Variants in IMMP2L observed in about 807,000 individuals in gnomAD.
IMMP2L encodes mitochondrial inner membrane protease subunit 2.
In IMMP2L, 18 loss-of-function variants were observed where a neutral mutation model predicts 19.3. That is an observed-to-expected ratio of 0.93 (90% CI 0.64 to 1.38). The LOEUF (loss-of-function observed/expected upper bound fraction) is 1.38, where lower values mean the gene tolerates loss of function less well. Among genes scored for constraint, IMMP2L ranks in the 40% most tolerant of loss-of-function variants. IMMP2L has a pLI of 0.00. For missense variants in IMMP2L, 233 were observed against 218.2 expected, an observed-to-expected ratio of 1.07 and a Z score of -0.43; for synonymous variants, 76 against 73.0, an observed-to-expected ratio of 1.04 and a Z score of -0.21.
rs1315610995 is a variant in IMMP2L at position 111,379,834 on chromosome 7, C to T, written c.239+107404G>A. On this transcript the variant is annotated intron_variant, in intron 3 of 5. Coordinates refer to ENST00000405709, the MANE Select transcript of IMMP2L (RefSeq NM_032549.4). ...TCAGTTCGAGTCTGCAATTTTTAGA[C>T]GAAATAACATTCATGAACAACTTTA... is the stretch of plus-strand genomic sequence containing the variant. Among the ~76,000 whole-genome samples the T allele has an allele frequency of 3.3e-5, 5 of 151,818 alleles. No individual in the cohort carries two copies. In the South Asian group the frequency reaches 6.2e-4, roughly 19 times the overall value.
chr7:111,391,335 T>C (rs1832334052), intron 3 of IMMP2L, among the ~76,000 whole-genome samples: 1 of 152,160 alleles, frequency 6.6e-6, no homozygotes, highest in South Asian at 2.1e-4. Context: ...ACCCCTGAGC[T>C]TCACACTCAC....
intron 3 of IMMP2L, among the ~76,000 whole-genome samples, chr7:111,013,772 T>A (rs1825215126): frequency 6.6e-6 from 1 of 152,288 alleles, no homozygotes; most frequent in Non-Finnish European, 1.5e-5. Context: ...ATATCTTTTA[T>A]TCGTTTAGTT....
intron 3 of IMMP2L, among the ~76,000 whole-genome samples, chr7:111,280,116 T>A (rs965363551): frequency 1.3e-5 from 2 of 152,140 alleles, no homozygotes; most frequent in African/African-American, 4.8e-5. Flanking sequence ...CTCCTTGCCA[T>A]ACTCTAGCAA....
intron 4 of IMMP2L, among the ~76,000 whole-genome samples, chr7:110,948,686 C>G (rs945303111): frequency 2.0e-5 from 3 of 152,178 alleles, no homozygotes; most frequent in Non-Finnish European, 4.4e-5. Flanking sequence ...TATAATAGCT[C>G]TTCCCCCTTG....
chr7:111,426,507 G>A (rs1048872398), intron 3 of IMMP2L, among the ~76,000 whole-genome samples: 1 of 151,096 alleles, frequency 6.6e-6, no homozygotes, highest in Non-Finnish European at 1.5e-5. Flanking sequence ...GATTAGAAAG[G>A]TTTCCCTAGA....
chr7:110,861,118 A>T (rs1807364930), intron 5 of IMMP2L, among the ~76,000 whole-genome samples: 2 of 147,514 alleles, frequency 1.4e-5, no homozygotes, highest in South Asian at 4.4e-4. Context: ...AGAGAGAGAG[A>T]GAGAGAGAGA....
At chr7:110,741,378 G>C (rs1217084834) in intron 5 of IMMP2L, among the ~76,000 whole-genome samples, 1 of 152,222 alleles carries the variant, frequency 6.6e-6, no homozygotes, top group African/African-American at 2.4e-5. Context: ...TTAATTTCCA[G>C]TGTGATTGTA....
intron 1 of IMMP2L, among the ~76,000 whole-genome samples, chr7:111,546,536 A>G (rs1189059993): frequency 6.6e-6 from 1 of 152,124 alleles, no homozygotes; most frequent in Non-Finnish European, 1.5e-5. Flanking sequence ...TTCCTATGAT[A>G]TGAATTGCAA....
chr7:111,023,247 C>T (rs1383641713), intron 3 of IMMP2L, among the ~76,000 whole-genome samples: 4 of 152,202 alleles, frequency 2.6e-5, no homozygotes, highest in Admixed American at 2.6e-4. Context: ...CTATTTCACA[C>T]ATTTTCTGTA....
intron 3 of IMMP2L, among the ~76,000 whole-genome samples, chr7:111,205,573 C>T (rs1353274174): frequency 1.3e-5 from 2 of 151,976 alleles, no homozygotes; most frequent in South Asian, 2.1e-4. Flanking sequence ...CCAACTTTAC[C>T]TCTTTGAATT....
At chr7:111,417,981 C>T (rs1237856659) in intron 3 of IMMP2L, among the ~76,000 whole-genome samples, 2 of 151,714 alleles carry the variant, frequency 1.3e-5, no homozygotes, top group Non-Finnish European at 2.9e-5. Flanking sequence ...ATCTTCCTAA[C>T]CATAGTACAG....
chr7:111,532,442 C>G (rs1174872717), intron 1 of IMMP2L: 1 of 152,054 alleles, frequency 6.6e-6, no homozygotes, highest in Non-Finnish European at 1.5e-5. Flanking sequence ...ACTCTTCATG[C>G]CTCAAATATA....
At chr7:111,300,951 T>TA (rs750531901) in intron 3 of IMMP2L, among the ~76,000 whole-genome samples, 5 of 152,114 alleles carry the variant, frequency 3.3e-5, no homozygotes, top group Non-Finnish European at 7.4e-5. Context: ...CTCAGATAAA[T>TA]ACACAAGAGT....
At chr7:111,299,889 C>T (rs1392479529) in intron 3 of IMMP2L, among the ~76,000 whole-genome samples, 1 of 151,348 alleles carries the variant, frequency 6.6e-6, no homozygotes, top group African/African-American at 2.4e-5. Flanking sequence ...CACAAATGAA[C>T]AAGGGCTGCA....
intron 4 of IMMP2L, among the ~76,000 whole-genome samples, chr7:110,918,086 T>C (rs903203985): frequency 1.3e-5 from 2 of 152,204 alleles, no homozygotes; most frequent in Admixed American, 6.5e-5. Flanking sequence ...AATATCCCAA[T>C]GTTCAATGTA....
Position 110,792,432 on chromosome 7 carries a change from C to T in IMMP2L, c.408+94161G>A, listed in dbSNP as rs190256141. ...TGTAAGTTTTTTCCAGACCCTGCCA[C>T]TTGGTTGATCTCTTGATAGTCACTG... On this transcript the variant is annotated intron_variant, in intron 5 of 5. Coordinates refer to ENST00000405709, the MANE Select transcript of IMMP2L (RefSeq NM_032549.4). 2.7e-3 allele frequency among the ~76,000 whole-genome samples: 408 copies of T among 149,514 alleles called. 13 individuals are homozygous for T. The highest frequency in any genetic ancestry group is 9.8e-3 in the African/African-American group (382 of 38,974).
chr7:111,391,144 G>A lies in IMMP2L; in HGVS notation c.239+96094C>T, dbSNP rs1000375467. On this transcript the variant is annotated intron_variant, in intron 3 of 5. Coordinates refer to ENST00000405709, the MANE Select transcript of IMMP2L (RefSeq NM_032549.4). The stretch of plus-strand genomic sequence containing the variant: ...CATGGCTTATTGCTAATATGTAAAC[G>A]AAAGATGTTCAAAGGACTAAAGAAT... 5.2e-4 allele frequency among the ~76,000 whole-genome samples: 79 copies of A among 151,866 alleles called. 1 individual carries two copies. The highest frequency in any genetic ancestry group is 1.3e-4 in the Non-Finnish European group (9 of 67,970).
intron 3 of IMMP2L, among the ~76,000 whole-genome samples, chr7:111,473,046 T>C (rs868719767): frequency 1.3e-5 from 2 of 152,216 alleles, no homozygotes; most frequent in Non-Finnish European, 2.9e-5. Flanking sequence ...ACCCTATATT[T>C]ATTTTAACAA....
chr7:111,232,819 C>A (rs983681119), intron 3 of IMMP2L, among the ~76,000 whole-genome samples: 1 of 152,078 alleles, frequency 6.6e-6, no homozygotes, highest in Non-Finnish European at 1.5e-5. Flanking sequence ...TCCCCACCTA[C>A]CATTCTAATT....
Sources: allele counts gnomAD v4.1 joint callset (sites outside exome capture counted in the v4.1 genomes callset), GRCh38; gene constraint gnomAD v4.1.1; transcripts MANE v1.5; gene names NCBI Gene and HGNC (gene_info 2026-07-23, HGNC 2026-07-21).